JAML: variants seen among roughly 807,000 people sequenced by gnomAD.
JAML encodes junctional adhesion molecule-like.
A neutral mutation model predicts 39.3 loss-of-function variants in JAML; 25 were observed. The observed-to-expected ratio is 0.64, with a 90% CI of 0.46 to 0.89. The LOEUF (loss-of-function observed/expected upper bound fraction) is 0.89, where lower values mean the gene tolerates loss of function less well. Among genes scored for constraint, JAML ranks in the 40% least tolerant of loss-of-function variants. The pLI, the probability that JAML is intolerant of heterozygous loss-of-function variation, is 0.00. For missense variants in JAML, 440 were observed against 486.9 expected, an observed-to-expected ratio of 0.90 and a Z score of 0.91; for synonymous variants, 162 against 179.2, an observed-to-expected ratio of 0.90 and a Z score of 0.77.
chr11:118,193,893 C>T lies in JAML; in HGVS notation c.*432G>A. Reference sequence around the variant, plus strand: ...ATTCCTCACCAGGACTTTACTTGCCCCCTCAACCGAGGCATAAAAATAGGA... The same window carrying T: ...ATTCCTCACCAGGACTTTACTTGCCTCCTCAACCGAGGCATAAAAATAGGA... On this transcript the variant is annotated 3_prime_UTR_variant, in exon 10 of 10. Transcript: ENST00000356289. 1 of 183,718 alleles carries T rather than the reference C, an allele frequency of 5.4e-6. No homozygotes were observed. The highest frequency in any genetic ancestry group is 1.2e-5 in the Non-Finnish European group (1 of 85,310). The allele number at this position is 183,718 out of a possible 1,614,324, so 11.4% of individuals were successfully genotyped here.
chr11:118,216,063 A>G (rs895670900), intron 1 of JAML, among the ~76,000 whole-genome samples: 1 of 152,192 alleles, frequency 6.6e-6, no homozygotes, highest in Admixed American at 6.5e-5. Flanking sequence ...TACGGTAGCC[A>G]TTTTAATTAA....
At chr11:118,224,591 G>A (rs1384668746) in intron 1 of JAML, among the ~76,000 whole-genome samples, 1 of 152,166 alleles carries the variant, frequency 6.6e-6, no homozygotes, top group Admixed American at 6.5e-5. Context: ...GAAAAACAGT[G>A]AAGAAAGAGC....
At chr11:118,198,942 A>AT (rs1359718640) in intron 7 of JAML, among the ~76,000 whole-genome samples, 1 of 152,202 alleles carries the variant, frequency 6.6e-6, no homozygotes, top group Non-Finnish European at 1.5e-5. Flanking sequence ...CAGTGTAAGC[A>AT]TAAGCTCACA....
intron 1 of JAML, among the ~76,000 whole-genome samples, chr11:118,220,633 AG>A (rs1166212632): frequency 6.6e-6 from 1 of 152,214 alleles, no homozygotes; most frequent in Non-Finnish European, 1.5e-5. Context: ...CAGAATAAGG[AG>A]GCCAGGGCTA....
At chr11:118,216,628 A>G (rs1949146518) in intron 1 of JAML, among the ~76,000 whole-genome samples, 1 of 152,210 alleles carries the variant, frequency 6.6e-6, no homozygotes, top group Non-Finnish European at 1.5e-5. Flanking sequence ...GATTCTTTAT[A>G]TAGATAAGAG....
chr11:118,201,173 G>T (rs1393131321), intron 6 of JAML: 1 of 152,658 alleles, frequency 6.6e-6, no homozygotes, highest in Non-Finnish European at 1.5e-5. Flanking sequence ...TTCCAAGGAA[G>T]AAGACAAACA....
In JAML at chr11:118,197,767, T is replaced by C. The variant is rs974063552; in HGVS notation, c.1005+231A>G. The C allele has an allele frequency of 1.2e-5, 6 of 497,816 alleles. No individual in the cohort carries two copies. The East Asian group carries it at 1.8e-4, about 15-fold the overall frequency. The allele number at this position is 497,816 out of a possible 1,614,324, so 30.8% of individuals were successfully genotyped here. On this transcript the variant is annotated intron_variant, in intron 8 of 9. Coordinates refer to ENST00000356289, the MANE Select transcript of JAML (RefSeq NM_001098526.2). ...CTTACTGACTCCAAGCGCAGTGCTC[T>C]TTCCTCAGCCCAATACCAGGATCTG...
intron 9 of JAML, among the ~76,000 whole-genome samples, chr11:118,195,310 C>T (rs1015485859): frequency 6.6e-6 from 1 of 152,052 alleles, no homozygotes; most frequent in Non-Finnish European, 1.5e-5. Context: ...GGATCCAGGC[C>T]AGGCCTCTGA....
chr11:118,213,177 C>T, intron 2 of JAML: 3 of 1,387,596 alleles, frequency 2.2e-6, no homozygotes, highest in Non-Finnish European at 9.3e-7. Flanking sequence ...CTAGGTGCTT[C>T]ACACAGGGAC....
At position 118,222,263 on chromosome 11, in the gene JAML, T is replaced by C. The variant is rs1443351757; in HGVS notation, c.-21+2678A>G. Among the ~76,000 whole-genome samples the C allele has an allele frequency of 6.6e-6, 1 of 151,624 alleles. No homozygotes were observed. Among genetic ancestry groups the C allele is most frequent in the African/African-American group, 2.4e-5 (1 of 41,238 alleles). On this transcript the variant is annotated intron_variant, in intron 1 of 9. Coordinates refer to ENST00000356289, the MANE Select transcript of JAML (RefSeq NM_001098526.2). The surrounding 1 kb of genome is among the most constrained non-coding windows in gnomAD (Gnocchi z 4.2). The stretch of plus-strand genomic sequence containing the variant: ...AAACACCATCTGAACAAAAAAAAAA[T>C]ACAAAAATTAGCTGGATGTAGTGGC...
intron 1 of JAML, 72 bp from the exon 2 acceptor site, chr11:118,214,958 AGGACTATAC>A: frequency 7.2e-7 from 1 of 1,380,720 alleles, no homozygotes; most frequent in South Asian, 1.2e-5. Flanking sequence ...CCAATAGTGA[AGGACTATAC>A]GGAGCAGCCT....
intron 5 of JAML, 31 bp from the exon 6 acceptor site, chr11:118,203,696 G>A: frequency 6.4e-7 from 1 of 1,569,738 alleles, no homozygotes; most frequent in Non-Finnish European, 8.8e-7. Context: ...GTATGATATT[G>A]TGAGGACTGG....
Position 118,194,235 on chromosome 11 carries a change from C to A in JAML, c.*90G>T. On this transcript the variant is annotated 3_prime_UTR_variant, in exon 10 of 10. Coordinates refer to ENST00000356289, the MANE Select transcript of JAML (RefSeq NM_001098526.2). ...TGAGACAGGAGGACAGCTGGGAGAG[C>A]GGGAGTCTGAAATCACTGGTAGAGT... 1 of 1,108,820 alleles carries A rather than the reference C, an allele frequency of 9.0e-7. No homozygotes were observed. Among genetic ancestry groups the A allele is most frequent in the South Asian group, 1.3e-5 (1 of 78,780 alleles). The allele number at this position is 1,108,820 out of a possible 1,614,324, so 68.7% of individuals were successfully genotyped here. A position where few individuals can be genotyped will look rare whatever the true frequency, so the allele number is the denominator to read the frequency against.
intron 3 of JAML, 46 bp from the exon 4 acceptor site, chr11:118,210,758 C>G (rs1368774455): frequency 6.6e-7 from 1 of 1,514,948 alleles, no homozygotes; most frequent in Non-Finnish European, 9.1e-7. Flanking sequence ...AGGTGCCAGA[C>G]CGAGGAGCCT....
chr11:118,197,939 G>A (rs765059757), intron 8 of JAML, 59 bp downstream of exon 8: 8 of 1,470,196 alleles, frequency 5.4e-6, no homozygotes, highest in South Asian at 1.1e-5. Flanking sequence ...GTTCCCGGGG[G>A]TATGAGAACG....
At chr11:118,207,808 T>C (rs1428082855) in intron 4 of JAML, among the ~76,000 whole-genome samples, 2 of 152,166 alleles carry the variant, frequency 1.3e-5, no homozygotes, top group Non-Finnish European at 2.9e-5. Flanking sequence ...ATCTCTAACA[T>C]TGCCCTAGCC....
intron 2 of JAML, chr11:118,212,849 G>A: frequency 1.2e-6 from 2 of 1,613,882 alleles, no homozygotes; most frequent in Non-Finnish European, 1.7e-6. Context: ...CCTTTCTAAA[G>A]AAATAAGGGA....
chr11:118,212,904 C>T, intron 2 of JAML: 1 of 1,614,258 alleles, frequency 6.2e-7, no homozygotes, highest in Non-Finnish European at 8.5e-7. Flanking sequence ...TAGAAACTCA[C>T]CTCCACTTAC....
intron 9 of JAML, among the ~76,000 whole-genome samples, chr11:118,195,803 G>A (rs972962609): frequency 2.0e-5 from 3 of 152,076 alleles, no homozygotes; most frequent in African/African-American, 7.2e-5. Flanking sequence ...CTTGCCCAAG[G>A]ATCTTATCCT....
Sources: gnomAD v4.1 joint callset for allele counts (sites outside exome capture counted in the v4.1 genomes callset) on GRCh38, gnomAD v4.1.1 for gene constraint, Gnocchi (gnomAD v3.1) non-coding constraint, MANE v1.5 for transcripts, NCBI Gene and HGNC (gene_info 2026-07-23, HGNC 2026-07-21) for gene names.